Variants in SORBS2 observed in about 807,000 individuals in gnomAD.
SORBS2 encodes sorbin and SH3 domain containing 2.
SORBS2 carries 46 observed loss-of-function variants against 97.7 expected under a neutral mutation model. The observed-to-expected ratio is 0.47, with a 90% CI of 0.37 to 0.60. SORBS2 has a LOEUF of 0.60. SORBS2 is among the 20% of genes least tolerant of loss of function. The pLI, the probability that SORBS2 is intolerant of heterozygous loss-of-function variation, is 0.00. For synonymous variants in SORBS2, 476 were observed against 473.4 expected, an observed-to-expected ratio of 1.01 and a Z score of -0.07; for missense variants, 1,316 against 1,282.3, an observed-to-expected ratio of 1.03 and a Z score of -0.40.
intron 2 of SORBS2, among the ~76,000 whole-genome samples, chr4:185,725,937 G>A (rs969329452): frequency 6.6e-6 from 1 of 150,996 alleles, no homozygotes; most frequent in Non-Finnish European, 1.5e-5. Context: ...GTTTTTTTTT[G>A]TTTTTTAGTC....
chr4:185,723,624 A>G (rs1313174378), intron 2 of SORBS2, among the ~76,000 whole-genome samples: 2 of 152,350 alleles, frequency 1.3e-5, no homozygotes, highest in South Asian at 4.1e-4. Flanking sequence ...GTTAAGGCAT[A>G]CAGAATTTGG....
intron 1 of SORBS2, among the ~76,000 whole-genome samples, chr4:185,850,340 C>T (rs1294891568): frequency 6.6e-6 from 1 of 152,178 alleles, no homozygotes; most frequent in African/African-American, 2.4e-5. Context: ...GGAAGTCTAA[C>T]ATTCTGCTGA....
intron 2 of SORBS2, among the ~76,000 whole-genome samples, chr4:185,731,866 C>CTCTCTATATATA: frequency 4.1e-5 from 1 of 24,690 alleles, no homozygotes; most frequent in African/African-American, 1.8e-4. Context: ...CTCTCTCTCT[C>CTCTCTATATATA]TATATATATA....
chr4:185,790,640 T>A (rs568196217), intron 1 of SORBS2, among the ~76,000 whole-genome samples: 1 of 152,356 alleles, frequency 6.6e-6, no homozygotes, highest in African/African-American at 2.4e-5. Context: ...AAATAGATGG[T>A]CTATTCATGT....
At chr4:185,637,770 A>AG (rs2097045998) in intron 4 of SORBS2, among the ~76,000 whole-genome samples, 1 of 152,104 alleles carries the variant, frequency 6.6e-6, no homozygotes, top group Non-Finnish European at 1.5e-5. Context: ...AACAAATACA[A>AG]ATCTTCTATA....
At chr4:185,704,178 G>C (rs2098306136) in intron 2 of SORBS2, among the ~76,000 whole-genome samples, 1 of 152,134 alleles carries the variant, frequency 6.6e-6, no homozygotes, top group African/African-American at 2.4e-5. Flanking sequence ...GTATGTCTAA[G>C]TTACGATTCA....
intron 11 of SORBS2, 196 bp downstream of exon 23, chr4:185,614,635 C>T: frequency 1.6e-6 from 1 of 623,822 alleles, no homozygotes; most frequent in East Asian, 3.0e-5. Flanking sequence ...CGGGGAACTC[C>T]TCTAAAAGGA....
intron 1 of SORBS2, among the ~76,000 whole-genome samples, chr4:185,877,508 T>C (rs11132357): frequency 0.41 from 61,905 of 151,964 alleles, 12,941 homozygotes; most frequent in East Asian, 0.56. Context: ...TTTTAAATCA[T>C]AAAATGAAAA....
intron 4 of SORBS2, among the ~76,000 whole-genome samples, chr4:185,668,696 A>G (rs6552905): frequency 0.95 from 144,920 of 152,268 alleles, 69,401 homozygotes; most frequent in East Asian, 1. Flanking sequence ...GGACTACCTC[A>G]AAAATAGGGA....
chr4:185,643,590 G>A (rs548016287), intron 4 of SORBS2, among the ~76,000 whole-genome samples: 1 of 152,192 alleles, frequency 6.6e-6, no homozygotes, highest in African/African-American at 2.4e-5. Flanking sequence ...GCCCAGGCAC[G>A]GACAATTGTG....
chr4:185,944,596 G>A (rs1270532315), intron 1 of SORBS2, among the ~76,000 whole-genome samples: 1 of 152,146 alleles, frequency 6.6e-6, no homozygotes, highest in African/African-American at 2.4e-5. Context: ...CTGAAATGTG[G>A]CACTAAGTCA....
At position 185,716,788 on chromosome 4, in the gene SORBS2, G is replaced by A. The variant is rs1001446345; in HGVS notation, c.-197-37966C>T. On this transcript the variant is annotated intron_variant, in intron 2 of 20. Coordinates refer to the SORBS2 transcript ENST00000284776. The stretch of plus-strand genomic sequence containing the variant: ...CAGTTCTGCCTGACTGGTCTCACCA[G>A]CACACCAGACTGCGCAGGCGGGTCA... Among the ~76,000 whole-genome samples the A allele has an allele frequency of 2.6e-5, 4 of 152,154 alleles. No individual in the cohort carries two copies. In the East Asian group the frequency reaches 7.7e-4, roughly 29 times the overall value.
intron 1 of SORBS2, among the ~76,000 whole-genome samples, chr4:185,788,050 G>T (rs900196140): frequency 3.3e-5 from 5 of 152,258 alleles, no homozygotes; most frequent in African/African-American, 9.6e-5. Context: ...TCTGAGATGG[G>T]AGAGGGCTTT....
At chr4:185,660,143 T>C (rs115475365), upstream of SORBS2, among the ~76,000 whole-genome samples, 197 of 152,342 alleles carry the variant, frequency 1.3e-3, no homozygotes, top group African/African-American at 4.6e-3. Flanking sequence ...ATATTTTATA[T>C]GTAAAATCTA....
chr4:185,895,942 G>C (rs1267998511), intron 1 of SORBS2, among the ~76,000 whole-genome samples: 1 of 152,204 alleles, frequency 6.6e-6, no homozygotes, highest in South Asian at 2.1e-4. Flanking sequence ...ATTAGCCAGA[G>C]AGAATGATCA....
chr4:185,701,327 A>T (rs1340445519), intron 2 of SORBS2, among the ~76,000 whole-genome samples: 3 of 152,158 alleles, frequency 2.0e-5, no homozygotes, highest in African/African-American at 7.2e-5. Context: ...GGATCACCTT[A>T]CAGATCCAAC....
chr4:185,765,529 G>A (rs1255256296), intron 2 of SORBS2, among the ~76,000 whole-genome samples: 1 of 152,130 alleles, frequency 6.6e-6, no homozygotes, highest in Non-Finnish European at 1.5e-5. Flanking sequence ...AAATCTCACT[G>A]CAATCAAGCT....
At chr4:185,883,355 C>T (rs2099237797) in intron 1 of SORBS2, among the ~76,000 whole-genome samples, 1 of 152,168 alleles carries the variant, frequency 6.6e-6, no homozygotes, top group Admixed American at 6.5e-5. Flanking sequence ...GGTACCACTA[C>T]ATTATTTTAA....
chr4:185,643,681 T>C (rs58436250), intron 4 of SORBS2, among the ~76,000 whole-genome samples: 371 of 152,200 alleles, frequency 2.4e-3, no homozygotes, highest in African/African-American at 8.6e-3. Flanking sequence ...AAACCCAAGA[T>C]GACCCTTTGG....
Sources: gnomAD v4.1 joint callset for allele counts (sites outside exome capture counted in the v4.1 genomes callset) on GRCh38, gnomAD v4.1.1 for gene constraint, MANE v1.5 for transcripts, NCBI Gene and HGNC (gene_info 2026-07-23, HGNC 2026-07-21) for gene names.